The following PTPRM variants were observed in gnomAD, a reference collection of about 807,000 sequenced individuals.
PTPRM encodes the protein protein tyrosine phosphatase receptor type M, also known as receptor-type tyrosine-protein phosphatase mu.
PTPRM carries 47 observed loss-of-function variants against 186.7 expected under a neutral mutation model. The ratio of observed to expected loss-of-function variants is 0.25; its 90% CI spans 0.20 to 0.32. The LOEUF (loss-of-function observed/expected upper bound fraction) is 0.32, where lower values mean the gene tolerates loss of function less well. Among genes scored for constraint, PTPRM ranks in the 10% least tolerant of loss-of-function variants. The probability of loss-of-function intolerance (pLI) is 1.00; values close to 1 mark genes in which losing one functional copy is unlikely to be tolerated. For synonymous variants in PTPRM, 668 were observed against 674.9 expected (o/e 0.99, Z 0.16); for missense variants, 1,494 against 1,865.0 (o/e 0.80, Z 3.66).
At chr18:8,378,053 T>C (rs1212833337) in intron 26 of PTPRM, 2 of 512,704 alleles carry the variant, frequency 3.9e-6, no homozygotes, top group Non-Finnish European at 6.9e-6. Flanking sequence ...CTGCAGTGCG[T>C]GTGGTGGTTT....
At chr18:7,842,947 T>G (rs180952834) in intron 2 of PTPRM, among the ~76,000 whole-genome samples, 5,460 of 112,070 alleles carry the variant, frequency 0.049, 188 homozygotes, top group Non-Finnish European at 0.058. Context: ...TATATATATA[T>G]AGAGAGAGAG....
intron 14 of PTPRM, among the ~76,000 whole-genome samples, chr18:8,191,917 A>G (rs1004434010): frequency 6.6e-6 from 1 of 152,224 alleles, no homozygotes; most frequent in South Asian, 2.1e-4. Flanking sequence ...CTACAGGGAA[A>G]AAAAGATTTC....
At chr18:8,124,824 C>T (rs1377236321) in intron 13 of PTPRM, among the ~76,000 whole-genome samples, 1 of 152,170 alleles carries the variant, frequency 6.6e-6, no homozygotes, top group East Asian at 1.9e-4. Flanking sequence ...AGGAGGTATA[C>T]ATTCTGAAGT....
intron 22 of PTPRM, among the ~76,000 whole-genome samples, chr18:8,327,478 T>C (rs1023529481): frequency 6.6e-6 from 1 of 152,196 alleles, no homozygotes; most frequent in African/African-American, 2.4e-5. Flanking sequence ...ATTCAATAAG[T>C]ATGCACCACC....
At chr18:8,193,389 G>A (rs2093733827) in intron 14 of PTPRM, among the ~76,000 whole-genome samples, 2 of 152,330 alleles carry the variant, frequency 1.3e-5, no homozygotes, top group East Asian at 1.9e-4. Context: ...AATTGATTAT[G>A]TGTAATTTTA....
chr18:8,043,381 G>A (rs138848484), intron 7 of PTPRM, among the ~76,000 whole-genome samples: 23 of 152,264 alleles, frequency 1.5e-4, no homozygotes, highest in African/African-American at 4.8e-4. Context: ...GACAGGCTGT[G>A]TGATCCCCTG....
chr18:7,995,171 A>T (rs1599932221), intron 7 of PTPRM, among the ~76,000 whole-genome samples: 2 of 152,126 alleles, frequency 1.3e-5, no homozygotes, highest in Admixed American at 1.3e-4. Flanking sequence ...GACTATTAGG[A>T]ACAACTAACA....
chr18:8,040,366 A>G (rs1600211506), intron 7 of PTPRM, among the ~76,000 whole-genome samples: 1 of 152,294 alleles, frequency 6.6e-6, no homozygotes, highest in East Asian at 1.9e-4. Context: ...ATGGTTGGGT[A>G]TGACAAAGTG....
Position 7,778,814 on chromosome 18 carries a change from G to A in PTPRM, c.196+4543G>A, listed in dbSNP as rs762825546. The stretch of plus-strand genomic sequence containing the variant: ...GAAATTTCTTGAACTTTATCATAAG[G>A]ATTACTATTTGAACACAAAAATCTT... On this transcript the variant is annotated intron_variant, in intron 2 of 32. Transcript: ENST00000580170. Among the ~76,000 whole-genome samples, 64 of 152,202 alleles carry A rather than the reference G, an allele frequency of 4.2e-4. No individual in the cohort carries two copies. The Middle Eastern group carries it at 0.014, about 32-fold the overall frequency.
intron 7 of PTPRM, among the ~76,000 whole-genome samples, chr18:8,036,135 A>G (rs73385657): frequency 0.031 from 4,771 of 152,294 alleles, 226 homozygotes; most frequent in African/African-American, 0.11. Flanking sequence ...GAAGACTTGG[A>G]GGATCATGAT....
At chr18:7,919,096 T>A (rs1015338039) in intron 4 of PTPRM, among the ~76,000 whole-genome samples, 17 of 152,284 alleles carry the variant, frequency 1.1e-4, no homozygotes, top group Middle Eastern at 3.4e-3. Context: ...AAAGACAAGT[T>A]GGCTACAAAT....
chr18:7,797,864 G>T (rs2145305977), intron 2 of PTPRM, among the ~76,000 whole-genome samples: 1 of 152,310 alleles, frequency 6.6e-6, no homozygotes, highest in South Asian at 2.1e-4. Flanking sequence ...AGCTGCTGCT[G>T]CCAGCACTGG....
intron 1 of PTPRM, among the ~76,000 whole-genome samples, chr18:7,589,300 C>G (rs2037062412): frequency 6.6e-6 from 1 of 152,164 alleles, no homozygotes; most frequent in Non-Finnish European, 1.5e-5. Context: ...AGGGGTATGG[C>G]TTTCTTTTGG....
chr18:8,183,629 T>A (rs944598767), intron 14 of PTPRM, among the ~76,000 whole-genome samples: 3 of 152,148 alleles, frequency 2.0e-5, no homozygotes, highest in Admixed American at 6.5e-5. Context: ...GGCACCGTGT[T>A]AACCAATGGG....
intron 14 of PTPRM, among the ~76,000 whole-genome samples, chr18:8,173,166 T>C (rs1229549345): frequency 6.6e-6 from 1 of 152,128 alleles, no homozygotes; most frequent in African/African-American, 2.4e-5. Context: ...CAATTTTAGA[T>C]TGAAAATGAT....
intron 7 of PTPRM, chr18:8,017,881 G>A (rs1329652990): frequency 1.3e-5 from 2 of 152,172 alleles, no homozygotes; most frequent in Admixed American, 6.5e-5. Context: ...TGCTTGGGAA[G>A]TACAGAGATA....
At position 8,124,134 on chromosome 18, in the gene PTPRM, G is replaced by A. The variant is rs116951797; in HGVS notation, c.2167+9307G>A. Among the ~76,000 whole-genome samples the A allele has an allele frequency of 5.6e-3, 852 of 152,256 alleles. 3 individuals carry two copies. The highest frequency in any genetic ancestry group is 9.3e-3 in the Non-Finnish European group (630 of 68,010). On this transcript the variant is annotated intron_variant, in intron 13 of 32. Coordinates refer to ENST00000580170, the MANE Select transcript of PTPRM (RefSeq NM_001105244.2). The stretch of plus-strand genomic sequence containing the variant: ...ACACACACAACTGCAGTGCATGGCT[G>A]CTATTCCTCCTAAGGGCTACAGGTG...
At chr18:8,208,464 G>GCT (rs2093958640) in intron 14 of PTPRM, among the ~76,000 whole-genome samples, 2 of 152,098 alleles carry the variant, frequency 1.3e-5, no homozygotes, top group Admixed American at 1.3e-4. Context: ...AGCTGGGAAG[G>GCT]TAGATAAGGA....
intron 2 of PTPRM, among the ~76,000 whole-genome samples, chr18:7,817,310 T>C (rs978189226): frequency 3.3e-5 from 5 of 152,164 alleles, no homozygotes; most frequent in Non-Finnish European, 5.9e-5. Flanking sequence ...TGAGTGATAA[T>C]GATATATTGC....
Sources: allele counts gnomAD v4.1 joint callset (sites outside exome capture counted in the v4.1 genomes callset), GRCh38; gene constraint gnomAD v4.1.1; transcripts MANE v1.5; gene names NCBI Gene and HGNC (gene_info 2026-07-23, HGNC 2026-07-21).